LTBP2: variants seen among roughly 807,000 people sequenced by gnomAD.
The protein encoded by LTBP2 is latent-transforming growth factor beta-binding protein 2.
In LTBP2, 103 loss-of-function variants were observed where a neutral mutation model predicts 210.6. The ratio of observed to expected loss-of-function variants is 0.49; its 90% CI spans 0.42 to 0.58. The LOEUF (loss-of-function observed/expected upper bound fraction) is 0.58, where lower values mean the gene tolerates loss of function less well. Ranked by LOEUF, LTBP2 falls within the 20% of genes least tolerant of loss-of-function variation. LTBP2 has a pLI of 0.00. For synonymous variants in LTBP2, 1,007 were observed against 1,015.0 expected (o/e 0.99, Z 0.15); for missense variants, 2,313 against 2,494.5 (o/e 0.93, Z 1.55).
In LTBP2 at chr14:74,507,263, T is replaced by C. The variant is rs770939213; in HGVS notation, c.3823A>G (p.Lys1275Glu). The C allele has an allele frequency of 6.2e-6, 10 of 1,614,120 alleles. No homozygotes were observed. The Admixed American group carries it at 1.2e-4, about 19-fold the overall frequency. ...TAGGAGCCAGGGCTGTTTTCACACT[T>C]CCAGGTGCCACACACCGGGTCTCCA... Reference protein sequence around the residue: ...DYGDPVCGTWKCENSPGSYRC... With the variant: ...DYGDPVCGTWECENSPGSYRC... The change falls in exon 26 of 36, where the codon AAG becomes GAG. Residue 1275 changes from lysine to glutamate, a missense_variant. Around this residue, in one of 3 missense-constraint regions of LTBP2, gnomAD observed 1,867 missense variants for 1,976.9 expected, o/e 0.94. Coordinates refer to ENST00000261978, the MANE Select transcript of LTBP2 (RefSeq NM_000428.3).
intron 3 of LTBP2, among the ~76,000 whole-genome samples, chr14:74,584,790 A>G (rs2088181293): frequency 6.6e-6 from 1 of 152,028 alleles, no homozygotes; most frequent in Non-Finnish European, 1.5e-5. Flanking sequence ...CAGCTCACCA[A>G]GATCCTGGTC....
intron 2 of LTBP2, among the ~76,000 whole-genome samples, chr14:74,590,867 G>GA (rs1352644089): frequency 1.3e-5 from 2 of 151,068 alleles, no homozygotes; most frequent in East Asian, 2.0e-4. Context: ...AAGGGTTGCG[G>GA]AAAAAAAACT....
chr14:74,517,054 G>T, intron 17 of LTBP2, 113 bp from the exon 18 acceptor site: 1 of 1,383,040 alleles, frequency 7.2e-7, no homozygotes, highest in Non-Finnish European at 9.9e-7. Flanking sequence ...CCATGCTGAG[G>T]CCTGGGCAGG....
intron 8 of LTBP2, among the ~76,000 whole-genome samples, chr14:74,539,870 G>C (rs569406367): frequency 1.3e-5 from 2 of 152,314 alleles, no homozygotes; most frequent in African/African-American, 4.8e-5. Context: ...AATCTCAGAG[G>C]AGCTGGGTCC....
chr14:74,603,285 G>A (rs1318287415), intron 2 of LTBP2, among the ~76,000 whole-genome samples: 4 of 152,100 alleles, frequency 2.6e-5, no homozygotes, highest in African/African-American at 4.8e-5. Flanking sequence ...CCATCAGCAC[G>A]CCTGGCTAAT....
chr14:74,530,141 G>T (rs1171839452), intron 10 of LTBP2, among the ~76,000 whole-genome samples: 1 of 152,154 alleles, frequency 6.6e-6, no homozygotes, highest in Non-Finnish European at 1.5e-5. Context: ...CATCACTCTG[G>T]TTCTCCTACA....
At chr14:74,538,784 G>A (rs1169134756) in intron 8 of LTBP2, among the ~76,000 whole-genome samples, 8 of 152,210 alleles carry the variant, frequency 5.3e-5, no homozygotes, top group African/African-American at 9.7e-5. Context: ...GGACTGGCCC[G>A]CTCCGGATTT....
At chr14:74,531,047 G>A (rs1233322994) in intron 10 of LTBP2, among the ~76,000 whole-genome samples, 2 of 152,214 alleles carry the variant, frequency 1.3e-5, no homozygotes, top group African/African-American at 4.8e-5. Flanking sequence ...CTTCCATTGG[G>A]ACACTGTAAG....
At chr14:74,568,368 T>C (rs532479112) in intron 3 of LTBP2, among the ~76,000 whole-genome samples, 26 of 152,194 alleles carry the variant, frequency 1.7e-4, no homozygotes, top group African/African-American at 6.0e-4. Context: ...CCAGCCAGCA[T>C]GTTCCAGCGC....
rs554208244 is a variant in LTBP2, at chr14:74,528,148, C to T, written c.2368+335G>A. ...AGGACCCACCTGCCAGCTATTCAGG[C>T]CTGCAGCAAGCACCGGCCCCAGAAG... On this transcript the variant is annotated intron_variant, in intron 12 of 35. Coordinates refer to ENST00000261978, the MANE Select transcript of LTBP2 (RefSeq NM_000428.3). Among the ~76,000 whole-genome samples, 139 of 152,354 alleles carry T rather than the reference C, an allele frequency of 9.1e-4. 1 individual carries two copies. The highest frequency in any genetic ancestry group is 3.1e-3 in the African/African-American group (127 of 41,582).
chr14:74,594,954 C>T (rs2088337929), intron 2 of LTBP2, among the ~76,000 whole-genome samples: 1 of 152,236 alleles, frequency 6.6e-6, no homozygotes, highest in South Asian at 2.1e-4. Flanking sequence ...AGCTCCCACA[C>T]AGCTGTGCCA....
chr14:74,536,708 T>C (rs780111803), intron 8 of LTBP2, among the ~76,000 whole-genome samples: 3 of 152,140 alleles, frequency 2.0e-5, no homozygotes, highest in Admixed American at 6.5e-5. Context: ...TAGCTGGGCA[T>C]GGCAGCACAT....
chr14:74,608,045 C>T (rs957744248), intron 1 of LTBP2, among the ~76,000 whole-genome samples: 9 of 151,684 alleles, frequency 5.9e-5, no homozygotes, highest in Admixed American at 1.3e-4. Context: ...CTCAGCCTCC[C>T]GAGTAGCTGG....
At chr14:74,509,187 C>T in intron 22 of LTBP2, 51 bp downstream of exon 22, 1 of 1,612,860 alleles carries the variant, frequency 6.2e-7, no homozygotes, top group Non-Finnish European at 8.5e-7. Flanking sequence ...CACCATGGCC[C>T]TGACAGAGGG....
chr14:74,566,175 G>T (rs918912082), intron 3 of LTBP2, among the ~76,000 whole-genome samples: 2 of 151,794 alleles, frequency 1.3e-5, no homozygotes, highest in African/African-American at 4.8e-5. Flanking sequence ...TTGATATTTC[G>T]TGGTACTCCT....
chr14:74,528,685 C>A lies in LTBP2; in HGVS notation c.2166G>T (p.Glu722Asp). Residue 722 changes from glutamate to aspartate, a missense_variant, in exon 12 of 36, where the codon GAG becomes GAT. Coordinates refer to ENST00000261978, the MANE Select transcript of LTBP2 (RefSeq NM_000428.3). Reference protein sequence around the residue: ...CPLPGTEAFREICPAGHGYTY... With the variant: ...CPLPGTEAFRDICPAGHGYTY... ...TGTAGCCGTGGCCGGCAGGGCAGATCTCTCTGAAGGCCTCTGCAAAGCCAA... is the reference window on the plus strand; with the variant it reads ...TGTAGCCGTGGCCGGCAGGGCAGATATCTCTGAAGGCCTCTGCAAAGCCAA... 1 of 1,612,346 alleles carries A rather than the reference C, an allele frequency of 6.2e-7. No homozygotes were observed. The highest frequency in any genetic ancestry group is 8.5e-7 in the Non-Finnish European group (1 of 1,180,036).
intron 28 of LTBP2, 44 bp from the exon 29 acceptor site, chr14:74,505,218 A>AAG (rs1258409971): frequency 4.4e-6 from 7 of 1,581,478 alleles, no homozygotes; most frequent in Non-Finnish European, 8.6e-7. Flanking sequence ...ATGACCCTCT[A>AAG]AGGGGGGTCA....
intron 4 of LTBP2, among the ~76,000 whole-genome samples, chr14:74,553,582 A>G (rs530284910): frequency 4.6e-5 from 7 of 152,266 alleles, no homozygotes; most frequent in African/African-American, 1.7e-4. Flanking sequence ...GGGGGACCTG[A>G]TTACCAGAAC....
chr14:74,564,464 G>C (rs561992903), intron 3 of LTBP2, among the ~76,000 whole-genome samples: 3 of 138,178 alleles, frequency 2.2e-5, no homozygotes, highest in African/African-American at 8.3e-5. Context: ...ACGCAGTCTC[G>C]GCTCACTGCA....
Sources: allele counts gnomAD v4.1 joint callset (sites outside exome capture counted in the v4.1 genomes callset), GRCh38; gene constraint gnomAD v4.1.1; regional missense constraint gnomAD v4.1.1; transcripts MANE v1.5; gene names NCBI Gene and HGNC (gene_info 2026-07-23, HGNC 2026-07-21).